ZDHHC14: variants seen among roughly 807,000 people sequenced by gnomAD.
ZDHHC14 encodes the protein palmitoyltransferase ZDHHC14.
A neutral mutation model predicts 47.7 loss-of-function variants in ZDHHC14; 16 were observed. The observed-to-expected ratio is 0.34, with a 90% confidence interval of 0.23 to 0.51. ZDHHC14 has a LOEUF of 0.51. Among genes scored for constraint, ZDHHC14 ranks in the 20% least tolerant of loss-of-function variants. The pLI is 0.97. For synonymous variants in ZDHHC14, 293 were observed against 278.9 expected (o/e 1.05, Z -0.50); for missense variants, 515 against 662.5 (o/e 0.78, Z 2.44).
intron 3 of ZDHHC14, among the ~76,000 whole-genome samples, chr6:157,616,630 G>A (rs369935459): frequency 3.3e-5 from 5 of 152,110 alleles, no homozygotes; most frequent in Admixed American, 6.5e-5. Flanking sequence ...ACCAGACCTC[G>A]AACTGAAGGG....
intron 3 of ZDHHC14, among the ~76,000 whole-genome samples, chr6:157,626,333 A>C (rs1015315320): frequency 6.6e-6 from 1 of 152,144 alleles, no homozygotes; most frequent in Non-Finnish European, 1.5e-5. Context: ...GTAGTCATAC[A>C]TTGAGAAGAA....
chr6:157,571,339 A>C (rs574068388), intron 2 of ZDHHC14, among the ~76,000 whole-genome samples: 3 of 152,240 alleles, frequency 2.0e-5, no homozygotes, highest in East Asian at 3.8e-4. Flanking sequence ...CCTGGAGCCC[A>C]GGCAAGGGAC....
intron 2 of ZDHHC14, among the ~76,000 whole-genome samples, chr6:157,565,897 T>C (rs2114848674): frequency 6.6e-6 from 1 of 152,098 alleles, no homozygotes; most frequent in Non-Finnish European, 1.5e-5. Context: ...CCCCCTGTTA[T>C]ATACACCTAA....
chr6:157,622,482 G>A (rs1441384052), intron 3 of ZDHHC14, among the ~76,000 whole-genome samples: 2 of 152,106 alleles, frequency 1.3e-5, no homozygotes, highest in African/African-American at 4.8e-5. Context: ...CCTGAACTAT[G>A]TTCCCACTGA....
At chr6:157,432,764 C>A (rs1347815998) in intron 1 of ZDHHC14, among the ~76,000 whole-genome samples, 1 of 152,170 alleles carries the variant, frequency 6.6e-6, no homozygotes, top group Non-Finnish European at 1.5e-5. Flanking sequence ...AAACCACTGA[C>A]ACGAGCCACC....
At chr6:157,659,398 G>A (rs935986584) in intron 8 of ZDHHC14, among the ~76,000 whole-genome samples, 7 of 152,226 alleles carry the variant, frequency 4.6e-5, no homozygotes, top group Non-Finnish European at 8.8e-5. Context: ...CCCGCTTTGC[G>A]TCATGTTAGG....
intron 1 of ZDHHC14, among the ~76,000 whole-genome samples, chr6:157,498,172 C>T (rs1780110644): frequency 6.6e-6 from 1 of 151,800 alleles, no homozygotes. Context: ...TGCAGTGGCT[C>T]ATGCCTGTAA....
chr6:157,542,554 C>T (rs751752819), intron 1 of ZDHHC14, 31 bp from the exon 2 acceptor site: 82 of 1,600,116 alleles, frequency 5.1e-5, no homozygotes, highest in Non-Finnish European at 6.7e-5. Context: ...TTCTTTTCCC[C>T]TTCTCTCCGG....
intron 3 of ZDHHC14, among the ~76,000 whole-genome samples, chr6:157,599,240 G>A (rs983650766): frequency 6.6e-6 from 1 of 152,372 alleles, no homozygotes; most frequent in East Asian, 1.9e-4. Context: ...GCTGGAGAAT[G>A]AGGCTCAGAA....
At chr6:157,549,658 C>T (rs1055530306) in intron 2 of ZDHHC14, among the ~76,000 whole-genome samples, 1 of 152,114 alleles carries the variant, frequency 6.6e-6, no homozygotes, top group Non-Finnish European at 1.5e-5. Context: ...TAACAAGAAA[C>T]CCCAGCCTGG....
At chr6:157,506,883 T>A (rs1304349444) in intron 1 of ZDHHC14, among the ~76,000 whole-genome samples, 1 of 150,828 alleles carries the variant, frequency 6.6e-6, no homozygotes, top group African/African-American at 2.5e-5. Flanking sequence ...CATTGATAAG[T>A]GGCACCTAGG....
chr6:157,492,206 G>GCCCCCCCCCCCC (rs954347593), intron 1 of ZDHHC14, among the ~76,000 whole-genome samples: 3 of 82,476 alleles, frequency 3.6e-5, no homozygotes, highest in Admixed American at 1.3e-4. Flanking sequence ...CTCCGCCCCC[G>GCCCCCCCCCCCC]CCCCCCAGCC....
intron 1 of ZDHHC14, among the ~76,000 whole-genome samples, chr6:157,416,782 C>G (rs1453101675): frequency 6.7e-6 from 1 of 149,702 alleles, no homozygotes; most frequent in African/African-American, 2.5e-5. Flanking sequence ...ACTTGCCACT[C>G]CCGAGTTGTA....
chr6:157,436,407 G>A, intron 1 of ZDHHC14, among the ~76,000 whole-genome samples: 1 of 152,160 alleles, frequency 6.6e-6, no homozygotes, highest in East Asian at 1.9e-4. Context: ...CAATGGGAGA[G>A]CATGACTTTC....
At position 157,382,114 on chromosome 6, in the gene ZDHHC14, G is replaced by A. The variant is rs771321039; in HGVS notation, c.93G>A (p.Lys31=). The A allele has an allele frequency of 6.2e-7, 1 of 1,613,226 alleles. No individual in the cohort carries two copies. Among genetic ancestry groups the A allele is most frequent in the East Asian group, 2.2e-5 (1 of 44,762 alleles). ...SSSPMESPHK[K]KKIAARRKWE... is the part of the protein sequence containing the mutation. ...CCCCCATGGAGTCGCCCCACAAGAA[G>A]AAGAAAATCGCGGCCCGGAGGAAAT... Residue 31 remains lysine, a synonymous_variant, in exon 1 of 9, where the codon AAG becomes AAA. Transcript: ENST00000359775.
At chr6:157,522,883 TCCTACCATCCTTCCTTCCTTCCTTCC>T (rs1780992640) in intron 1 of ZDHHC14, among the ~76,000 whole-genome samples, 1 of 47,270 alleles carries the variant, frequency 2.1e-5, no homozygotes, top group Non-Finnish European at 3.7e-5. Flanking sequence ...CCTCCCATCT[TCCTACCATCCTTCCTTCCTTCCTTCC>T]TTCCTTCCTT....
At chr6:157,604,552 CTT>C (rs10533378) in intron 3 of ZDHHC14, among the ~76,000 whole-genome samples, 13 of 148,116 alleles carry the variant, frequency 8.8e-5, no homozygotes, top group African/African-American at 1.5e-4. Context: ...ATTTGTTACT[CTT>C]TTTTTTTTTT....
intron 2 of ZDHHC14, among the ~76,000 whole-genome samples, chr6:157,581,005 A>T (rs1783498823): frequency 6.6e-6 from 1 of 151,612 alleles, no homozygotes; most frequent in South Asian, 2.1e-4. Flanking sequence ...TCCTCTAGTT[A>T]TGATGTTAGG....
chr6:157,401,436 A>G (rs573811731), intron 1 of ZDHHC14, among the ~76,000 whole-genome samples: 41 of 152,376 alleles, frequency 2.7e-4, no homozygotes, highest in African/African-American at 9.1e-4. Flanking sequence ...TTTATAGACG[A>G]AGAAACTGAG....
Sources: allele counts gnomAD v4.1 joint callset (sites outside exome capture counted in the v4.1 genomes callset), GRCh38; gene constraint gnomAD v4.1.1; transcripts MANE v1.5; gene names NCBI Gene and HGNC (gene_info 2026-07-23, HGNC 2026-07-21).